Variants in ATP11B observed in about 807,000 individuals in gnomAD.
ATP11B encodes the protein ATPase phospholipid transporting 11B (putative), also known as phospholipid-transporting ATPase IF.
ATP11B carries 81 observed loss-of-function variants against 157.8 expected under a neutral mutation model. The observed-to-expected ratio is 0.51, with a 90% confidence interval of 0.43 to 0.62. The LOEUF (loss-of-function observed/expected upper bound fraction) is 0.62, where lower values mean the gene tolerates loss of function less well. Among genes scored for constraint, ATP11B ranks in the 20% least tolerant of loss-of-function variants. The pLI is 0.00. For synonymous variants in ATP11B, 451 were observed against 469.4 expected (o/e 0.96, Z 0.51); for missense variants, 1,165 against 1,402.2 (o/e 0.83, Z 2.70).
intron 10 of ATP11B, among the ~76,000 whole-genome samples, chr3:182,850,302 G>A (rs751656890): frequency 1.2e-4 from 18 of 151,992 alleles, no homozygotes; most frequent in African/African-American, 3.4e-4. Flanking sequence ...GTGAAACTCC[G>A]TCTCTACTAA....
chr3:182,809,071 C>T (rs1256393794), intron 1 of ATP11B, among the ~76,000 whole-genome samples: 1 of 151,566 alleles, frequency 6.6e-6, no homozygotes, highest in Non-Finnish European at 1.5e-5. Flanking sequence ...AAAGTTTTAC[C>T]GATCTGTGAA....
At chr3:182,914,775 A>T (rs1725031981) in intron 29 of ATP11B, 12 of 985,310 alleles carry the variant, frequency 1.2e-5, no homozygotes, top group Non-Finnish European at 1.4e-5. Context: ...GGATTTATTT[A>T]TTCATACATT....
intron 10 of ATP11B, among the ~76,000 whole-genome samples, chr3:182,857,239 G>A (rs1720473305): frequency 6.6e-6 from 1 of 152,134 alleles, no homozygotes; most frequent in African/African-American, 2.4e-5. Flanking sequence ...TCTGCCTCCC[G>A]AGTTCATGCC....
At chr3:182,803,036 A>G (rs895919078) in intron 1 of ATP11B, among the ~76,000 whole-genome samples, 2 of 152,006 alleles carry the variant, frequency 1.3e-5, no homozygotes, top group African/African-American at 4.8e-5. Context: ...ATTGTTGCCA[A>G]TTTTTTCCTG....
At chr3:182,845,599 T>C in intron 9 of ATP11B, 77 bp downstream of exon 9, 1 of 881,086 alleles carries the variant, frequency 1.1e-6, no homozygotes, top group Non-Finnish European at 1.7e-6. Context: ...AAGTACAATG[T>C]GGTCTTTTGG....
chr3:182,871,460 A>G (rs1721649467), intron 17 of ATP11B, among the ~76,000 whole-genome samples: 3 of 152,234 alleles, frequency 2.0e-5, no homozygotes, highest in African/African-American at 7.2e-5. Flanking sequence ...TCTGATTCCA[A>G]TTCACTGGTG....
At chr3:182,799,697 T>A (rs1054345829) in intron 1 of ATP11B, among the ~76,000 whole-genome samples, 15 of 152,206 alleles carry the variant, frequency 9.9e-5, no homozygotes, top group African/African-American at 3.6e-4. Flanking sequence ...GTGTATTTTT[T>A]AAAAAATATC....
intron 11 of ATP11B, 138 bp downstream of exon 11, chr3:182,858,166 G>A: frequency 1.4e-6 from 1 of 717,594 alleles, no homozygotes; most frequent in Non-Finnish European, 2.2e-6. Context: ...AAATGGCATT[G>A]CAAATGCAGA....
At chr3:182,856,653 T>TA (rs1720427842) in intron 10 of ATP11B, among the ~76,000 whole-genome samples, 1 of 152,230 alleles carries the variant, frequency 6.6e-6, no homozygotes, top group Non-Finnish European at 1.5e-5. Context: ...TGCTGAATAC[T>TA]ATGCCTAATA....
At chr3:182,843,405 T>C (rs1490672762) in intron 8 of ATP11B, 1 of 152,240 alleles carries the variant, frequency 6.6e-6, no homozygotes, top group Non-Finnish European at 1.5e-5. Flanking sequence ...AAACCGACGA[T>C]GCCTAGTAAG....
intron 15 of ATP11B, 90 bp from the exon 16 acceptor site, chr3:182,868,988 T>G (rs1721446067): frequency 3.8e-6 from 3 of 786,470 alleles, no homozygotes; most frequent in Non-Finnish European, 6.0e-6. Flanking sequence ...ATTAGCCATT[T>G]TATCTTATAT....
intron 19 of ATP11B, among the ~76,000 whole-genome samples, chr3:182,878,429 C>T (rs1722195956): frequency 6.6e-6 from 1 of 152,110 alleles, no homozygotes; most frequent in South Asian, 2.1e-4. Context: ...TGGCTTTCAG[C>T]AACATAAAGG....
intron 29 of ATP11B, chr3:182,917,749 A>G: frequency 1.0e-6 from 1 of 984,540 alleles, no homozygotes; most frequent in Non-Finnish European, 1.2e-6. Flanking sequence ...AAAGCAGCTC[A>G]TGCTTTACTA....
chr3:182,897,295 T>A lies in ATP11B; in HGVS notation c.3049-8T>A. On this transcript the variant is annotated splice_region_variant and splice_polypyrimidine_tract_variant and intron_variant, in intron 26 of 29. Coordinates refer to ENST00000323116, the MANE Select transcript of ATP11B (RefSeq NM_014616.3). ...TATATTTCTAAGGATATAAAAACTT[T>A]TTTTTAGATGGCTCTGGAAACTCAT... The A allele has an allele frequency of 6.5e-7, 1 of 1,533,346 alleles. No individual in the cohort carries two copies. The highest frequency in any genetic ancestry group is 8.7e-7 in the Non-Finnish European group (1 of 1,146,556). 95.0% of individuals were successfully genotyped at this position (1,533,346 alleles called of 1,614,324 possible). A position where few individuals can be genotyped will look rare whatever the true frequency, so the allele number is the denominator to read the frequency against.
chr3:182,913,889 G>A lies in ATP11B; in HGVS notation c.3347G>A (p.Cys1116Tyr). The A allele has an allele frequency of 6.2e-7, 1 of 1,614,128 alleles. No homozygotes were observed. Among genetic ancestry groups the A allele is most frequent in the Non-Finnish European group, 8.5e-7 (1 of 1,179,964 alleles). Reference protein sequence around the residue: ...QLTETNAGIKCLDSMCCFPEG... With the variant: ...QLTETNAGIKYLDSMCCFPEG... Reference sequence around the variant, plus strand: ...ACTGAAACAAATGCAGGTATCAAGTGCTTGGACTCCATGTGCTGTTTCCCG... The same window carrying A: ...ACTGAAACAAATGCAGGTATCAAGTACTTGGACTCCATGTGCTGTTTCCCG... Residue 1116 changes from cysteine to tyrosine, a missense_variant, in exon 29 of 30, where the codon TGC (cysteine) becomes TAC (tyrosine). Physicochemically the swap from Cys to Tyr is radical, Grantham distance 194 (BLOSUM62 -2). This residue lies in a region of ATP11B where 303 missense variants were observed against 296.3 expected (regional missense o/e 1.02). Coordinates refer to ENST00000323116, the MANE Select transcript of ATP11B (RefSeq NM_014616.3).
rs146959645 is a variant in ATP11B, at chr3:182,848,638, T to C, written c.851+81T>C. On this transcript the variant is annotated intron_variant, in intron 10 of 29. Coordinates refer to ENST00000323116, the MANE Select transcript of ATP11B (RefSeq NM_014616.3). ...CGTTTGGTATAAAATATTATATATA[T>C]AATATATATTAAGTAAACAGAATGA... 4.0e-3 allele frequency: 2,154 copies of C among 539,386 alleles called. 42 individuals are homozygous for C. The highest frequency in any genetic ancestry group is 0.04 in the African/African-American group (1,961 of 49,318). 33.4% of individuals were successfully genotyped at this position (539,386 alleles called of 1,614,324 possible). A position where few individuals can be genotyped will look rare whatever the true frequency, so the allele number is the denominator to read the frequency against.
chr3:182,841,273 A>G (rs1718991418), intron 7 of ATP11B, among the ~76,000 whole-genome samples: 1 of 152,090 alleles, frequency 6.6e-6, no homozygotes, highest in African/African-American at 2.4e-5. Flanking sequence ...ATACTGTGTA[A>G]TTTACTTTTT....
intron 2 of ATP11B, among the ~76,000 whole-genome samples, chr3:182,827,432 C>T (rs185344708): frequency 1.8e-4 from 28 of 152,072 alleles, no homozygotes; most frequent in South Asian, 8.3e-4. Flanking sequence ...AAGTGGGACA[C>T]GGAGAGATTA....
intron 18 of ATP11B, 87 bp from the exon 19 acceptor site, chr3:182,873,725 A>G: frequency 9.0e-7 from 1 of 1,112,438 alleles, no homozygotes; most frequent in Non-Finnish European, 1.3e-6. Context: ...AAGAGTTTAG[A>G]ATTATCCTTA....
Sources: allele counts gnomAD v4.1 joint callset (sites outside exome capture counted in the v4.1 genomes callset), GRCh38; gene constraint gnomAD v4.1.1; regional missense constraint gnomAD v4.1.1; transcripts MANE v1.5; gene names NCBI Gene and HGNC (gene_info 2026-07-23, HGNC 2026-07-21).